The following NRXN3 variants were observed in gnomAD, a reference collection of about 807,000 sequenced individuals.
NRXN3 encodes neurexin 3, also known as neurexin III.
Under a neutral mutation model 137.6 loss-of-function variants are expected in NRXN3, and 32 were observed. The observed-to-expected ratio is 0.23, with a 90% CI of 0.18 to 0.31. NRXN3 has a LOEUF of 0.31. NRXN3 is among the 10% of genes least tolerant of loss of function. The pLI is 1.00. For missense variants in NRXN3, 1,574 were observed against 2,062.5 expected (o/e 0.76, Z 4.59); for synonymous variants, 798 against 784.5 (o/e 1.02, Z -0.29).
At chr14:79,480,915 A>G (rs989911997) in intron 16 of NRXN3, among the ~76,000 whole-genome samples, 2 of 152,050 alleles carry the variant, frequency 1.3e-5, no homozygotes, top group African/African-American at 4.8e-5. Flanking sequence ...CATGCTTCCT[A>G]TATACCCTAT....
rs10601165 is a variant in NRXN3, at chr14:78,487,742, C to CATAA, written c.758-157332_758-157329dup. Among the ~76,000 whole-genome samples the CATAA allele has an allele frequency of 9.2e-3, 1,296 of 141,304 alleles. 11 individuals carry two copies. Among genetic ancestry groups the CATAA allele is most frequent in the African/African-American group, 0.018 (696 of 38,060 alleles). 92.7% of individuals were successfully genotyped at this position (141,304 alleles called of 152,430 possible). ...GGGCCACAAGAGTGAAACTCCATCT[C>CATAA]ATAAATAAATAAATAAATAAATAAA... On this transcript the variant is annotated intron_variant, in intron 4 of 20. Coordinates refer to ENST00000335750, the MANE Select transcript of NRXN3 (RefSeq NM_001330195.2).
chr14:79,516,304 A>G (rs1025895941), intron 16 of NRXN3, among the ~76,000 whole-genome samples: 1 of 152,174 alleles, frequency 6.6e-6, no homozygotes, highest in Non-Finnish European at 1.5e-5. Context: ...CAGCAGAGTT[A>G]ATGCTGCCTG....
chr14:79,785,220 A>T (rs764417113), intron 19 of NRXN3, among the ~76,000 whole-genome samples: 5 of 152,198 alleles, frequency 3.3e-5, no homozygotes, highest in Non-Finnish European at 7.3e-5. Flanking sequence ...TGCCCTTTGT[A>T]TAAAAAGATC....
At chr14:78,501,975 T>C (rs2153775628) in intron 4 of NRXN3, among the ~76,000 whole-genome samples, 1 of 152,206 alleles carries the variant, frequency 6.6e-6, no homozygotes, top group African/African-American at 2.4e-5. Flanking sequence ...AGACCCTGGA[T>C]CTCCTATAAC....
At chr14:78,539,780 G>A (rs1233801393) in intron 4 of NRXN3, among the ~76,000 whole-genome samples, 1 of 152,150 alleles carries the variant, frequency 6.6e-6, no homozygotes, top group Non-Finnish European at 1.5e-5. Context: ...TGTTTTAAAT[G>A]TGTCCCAGAG....
intron 15 of NRXN3, among the ~76,000 whole-genome samples, chr14:79,154,710 T>C (rs965416845): frequency 6.6e-5 from 10 of 151,866 alleles, no homozygotes; most frequent in Admixed American, 5.9e-4. Context: ...TTTGTGACGA[T>C]TCAAAGGAGC....
At chr14:79,175,269 C>T (rs2062212380) in intron 15 of NRXN3, among the ~76,000 whole-genome samples, 1 of 152,082 alleles carries the variant, frequency 6.6e-6, no homozygotes, top group African/African-American at 2.4e-5. Context: ...CATGAGCCAC[C>T]GTGCCCAGCC....
intron 19 of NRXN3, among the ~76,000 whole-genome samples, chr14:79,763,418 T>C (rs2099045617): frequency 6.6e-6 from 1 of 151,694 alleles, no homozygotes; most frequent in African/African-American, 2.4e-5. Flanking sequence ...CCTTTGGGTA[T>C]ACACCCAGTA....
chr14:79,796,320 G>A (rs1016324544), intron 19 of NRXN3, among the ~76,000 whole-genome samples: 2 of 152,138 alleles, frequency 1.3e-5, no homozygotes, highest in Admixed American at 6.6e-5. Context: ...GGAACACCAC[G>A]TAGCATTACA....
At chr14:78,958,634 C>T (rs987648021) in intron 11 of NRXN3, among the ~76,000 whole-genome samples, 5 of 152,280 alleles carry the variant, frequency 3.3e-5, no homozygotes, top group South Asian at 2.1e-4. Context: ...GGATTACAGG[C>T]GTGAGCCATC....
Position 79,805,205 on chromosome 14 carries a change from T to C in NRXN3, c.4093+15T>C, listed in dbSNP as rs2099199245. On this transcript the variant is annotated intron_variant, in intron 20 of 20. Transcript: ENST00000335750. Reference sequence around the variant, plus strand: ...GCCGAGTACAGGTAGGTCAGGTCAGTCTTATTTTGCTTGCTTTCTTTTTTC... The same window carrying C: ...GCCGAGTACAGGTAGGTCAGGTCAGCCTTATTTTGCTTGCTTTCTTTTTTC... 1 of 1,609,300 alleles carries C rather than the reference T, an allele frequency of 6.2e-7. No individual in the cohort carries two copies. Among genetic ancestry groups the C allele is most frequent in the Non-Finnish European group, 8.5e-7 (1 of 1,176,762 alleles).
intron 15 of NRXN3, among the ~76,000 whole-genome samples, chr14:79,354,327 T>C (rs1188843532): frequency 6.6e-6 from 1 of 152,076 alleles, no homozygotes; most frequent in East Asian, 1.9e-4. Context: ...CAGCATTCAG[T>C]AAATAAAAAG....
rs556048503 is a variant in NRXN3 at position 79,767,919 on chromosome 14, C to T, written c.4015-37193C>T. Among the ~76,000 whole-genome samples the T allele has an allele frequency of 2.4e-3, 361 of 152,248 alleles. 1 individual carries two copies. The highest frequency in any genetic ancestry group is 9.7e-3 in the South Asian group (47 of 4,828). ...GGCGCAGGTCACTGGGTGCATGCAC[C>T]GTGCGCGAGCCAAAGCAGGGTGAGG... On this transcript the variant is annotated intron_variant, in intron 19 of 20. Transcript: ENST00000335750.
rs1313904621 is a variant in NRXN3, at chr14:79,646,834, G to C, written c.3445-16944G>C. Among the ~76,000 whole-genome samples the C allele has an allele frequency of 1.5e-5, 2 of 135,956 alleles. 1 individual carries two copies. Among genetic ancestry groups the C allele is most frequent in the Non-Finnish European group, 3.4e-5 (2 of 58,450 alleles). The allele number at this position is 135,956 out of a possible 152,430, so 89.2% of individuals were successfully genotyped here. A position where few individuals can be genotyped will look rare whatever the true frequency, so the allele number is the denominator to read the frequency against. On this transcript the variant is annotated intron_variant, in intron 16 of 20. Transcript: ENST00000335750. ...TTCTCTCTATTCCCTTATTTAGTTGGTGGGATTGGATGAAGGATCTTCACA... is the reference window on the plus strand; with the variant it reads ...TTCTCTCTATTCCCTTATTTAGTTGCTGGGATTGGATGAAGGATCTTCACA...
intron 4 of NRXN3, among the ~76,000 whole-genome samples, chr14:78,528,203 A>G (rs569363404): frequency 2.1e-4 from 32 of 152,334 alleles, no homozygotes; most frequent in African/African-American, 7.0e-4. Flanking sequence ...TCATCTTATC[A>G]CACTTTGCTT....
chr14:78,961,236 C>T (rs1198506249), intron 11 of NRXN3, among the ~76,000 whole-genome samples: 3 of 152,096 alleles, frequency 2.0e-5, no homozygotes, highest in African/African-American at 4.8e-5. Context: ...GGTCAATTTG[C>T]TTCCTCTCAG....
At chr14:79,711,302 G>T (rs1419386549) in intron 19 of NRXN3, among the ~76,000 whole-genome samples, 1 of 152,044 alleles carries the variant, frequency 6.6e-6, no homozygotes, top group Non-Finnish European at 1.5e-5. Context: ...GGGCCATTCT[G>T]GTTTCAAGTA....
chr14:79,514,140 G>A (rs1436219371), intron 16 of NRXN3, among the ~76,000 whole-genome samples: 1 of 152,018 alleles, frequency 6.6e-6, no homozygotes, highest in Non-Finnish European at 1.5e-5. Flanking sequence ...TGTAGAGATA[G>A]AGATATAGGC....
intron 4 of NRXN3, among the ~76,000 whole-genome samples, chr14:78,326,457 T>C (rs1319459949): frequency 1.3e-5 from 2 of 152,236 alleles, no homozygotes; most frequent in East Asian, 3.9e-4. Context: ...TGGAATAACA[T>C]GTTCCGTTTT....
Sources: gnomAD v4.1 joint callset for allele counts (sites outside exome capture counted in the v4.1 genomes callset) on GRCh38, gnomAD v4.1.1 for gene constraint, MANE v1.5 for transcripts, NCBI Gene and HGNC (gene_info 2026-07-23, HGNC 2026-07-21) for gene names.